The following PDLIM2 variants were observed in gnomAD, a reference collection of about 807,000 sequenced individuals.
PDLIM2 encodes PDZ and LIM domain 2, also known as PDZ and LIM domain protein 2.
In PDLIM2, 51 loss-of-function variants were observed where a neutral mutation model predicts 54.1. That is an observed-to-expected ratio of 0.94 (90% CI 0.75 to 1.19). PDLIM2 has a LOEUF of 1.19. Ranked by LOEUF, PDLIM2 falls within the 50% of genes most tolerant of loss-of-function variation. The pLI is 0.00. For synonymous variants in PDLIM2, 398 were observed against 385.6 expected (o/e 1.03, Z -0.38); for missense variants, 912 against 874.0 (o/e 1.04, Z -0.55).
At chr8:22,589,144 A>C (rs1800459230) in intron 6 of PDLIM2, 154 bp from the exon 6 acceptor site, 2 of 596,300 alleles carry the variant, frequency 3.4e-6, no homozygotes, top group East Asian at 5.6e-5. Context: ...AGCCCCCGAC[A>C]CCTTGGCTCC....
downstream of PDLIM2, chr8:22,596,978 C>G (rs1800696207): frequency 6.6e-6 from 1 of 152,270 alleles, no homozygotes; most frequent in African/African-American, 2.4e-5. Flanking sequence ...CCTCTGTCAT[C>G]AGAGGCAGCC....
chr8:22,584,883 G>T (rs141075881), exon 4 of PDLIM2: 4 of 1,614,114 alleles, frequency 2.5e-6, no homozygotes, highest in Non-Finnish European at 3.4e-6. Flanking sequence ...CTGGCGACTC[G>T]CTTCCAGGTA....
At chr8:22,597,536 A>T (rs1427992867), downstream of PDLIM2, 2 of 152,626 alleles carry the variant, frequency 1.3e-5, no homozygotes, top group African/African-American at 4.8e-5. Flanking sequence ...TTGTGCTGAG[A>T]CACTGCATTC....
intron 6 of PDLIM2, among the ~76,000 whole-genome samples, chr8:22,586,527 G>A (rs1175774909): frequency 6.6e-6 from 1 of 152,104 alleles, no homozygotes; most frequent in Non-Finnish European, 1.5e-5. Context: ...AGGGAAGGAT[G>A]AGCAGGAGGC....
downstream of PDLIM2, chr8:22,594,621 C>A (rs539149335): frequency 4.3e-6 from 7 of 1,613,692 alleles, 1 homozygote; most frequent in South Asian, 7.7e-5. Flanking sequence ...AGGAGGAAGA[C>A]CAGGAGACCC....
At chr8:22,582,443 A>G (rs34366705) in intron 3 of PDLIM2, among the ~76,000 whole-genome samples, 26,236 of 152,038 alleles carry the variant, frequency 0.17, 2,551 homozygotes, top group Middle Eastern at 0.28. Flanking sequence ...AGGGTCTGGC[A>G]GCGGAAGGGC....
intron 1 of PDLIM2, 101 bp from the exon 1 acceptor site, chr8:22,580,374 A>T: frequency 9.1e-7 from 1 of 1,103,802 alleles, no homozygotes; most frequent in Non-Finnish European, 1.2e-6. Flanking sequence ...TGGGCTGAAG[A>T]CTAAGGAAGG....
chr8:22,579,104 C>G, exon 1 of PDLIM2: 1 of 1,272,788 alleles, frequency 7.9e-7, no homozygotes, highest in African/African-American at 1.5e-5. Flanking sequence ...GGAGGCAGGT[C>G]CGGGAGCCCC....
At chr8:22,581,472 G>A in exon 3 of PDLIM2, 2 of 1,606,308 alleles carry the variant, frequency 1.2e-6, no homozygotes. Flanking sequence ...CATGCTGCAT[G>A]CCGAGGCCCA....
chr8:22,580,357 C>T (rs556679297), intron 1 of PDLIM2, 118 bp from the exon 1 acceptor site: 30 of 925,024 alleles, frequency 3.2e-5, no homozygotes, highest in East Asian at 2.7e-4. Context: ...TCCTGGGAGT[C>T]GCTCCCTGGG....
At chr8:22,586,666 A>G (rs1397140016) in intron 6 of PDLIM2, among the ~76,000 whole-genome samples, 3 of 152,140 alleles carry the variant, frequency 2.0e-5, no homozygotes, top group Admixed American at 6.5e-5. Flanking sequence ...AGGGCTGGTC[A>G]GTGTCAGTCC....
intron 2 of PDLIM2, 178 bp from the exon 2 acceptor site, chr8:22,581,201 C>T (rs1258101142): frequency 5.3e-6 from 4 of 760,584 alleles, no homozygotes; most frequent in African/African-American, 3.5e-5. Flanking sequence ...GGGGCTGCCA[C>T]CTGCGCTCCT....
chr8:22,585,291 T>C, intron 5 of PDLIM2, 30 bp from the exon 5 acceptor site: 2 of 1,610,912 alleles, frequency 1.2e-6, no homozygotes, highest in Non-Finnish European at 1.7e-6. Flanking sequence ...GGGGTGGCCC[T>C]GGCACACACT....
chr8:22,581,336 A>G, intron 2 of PDLIM2, 43 bp from the exon 2 acceptor site: 2 of 1,554,152 alleles, frequency 1.3e-6, no homozygotes, highest in South Asian at 2.4e-5. Flanking sequence ...TCCCTTCTCC[A>G]GCTGGGCCAC....
intron 3 of PDLIM2, among the ~76,000 whole-genome samples, chr8:22,581,780 G>A (rs941629450): frequency 1.3e-5 from 2 of 152,262 alleles, no homozygotes; most frequent in Non-Finnish European, 2.9e-5. Flanking sequence ...TGGGCAGGGC[G>A]AGCTGGCACC....
At chr8:22,579,052 G>A in exon 1 of PDLIM2, 1 of 1,248,770 alleles carries the variant, frequency 8.0e-7, no homozygotes. Flanking sequence ...CGGCTTCTCG[G>A]GCTAGGGGCG....
exon 1 of PDLIM2, chr8:22,579,249 C>T (rs1181771127): frequency 5.1e-5 from 69 of 1,357,558 alleles, no homozygotes; most frequent in Non-Finnish European, 3.6e-5. Context: ...CTGCGCCTCT[C>T]CGCGCGGCCC....
chr8:22,581,277 G>A (rs552936014), intron 2 of PDLIM2, 102 bp from the exon 2 acceptor site: 94 of 1,457,782 alleles, frequency 6.4e-5, no homozygotes, highest in Non-Finnish European at 7.4e-5. Context: ...GGTGCAGGCC[G>A]GCCTGGGTCA....
In PDLIM2 at chr8:22,589,675, C is replaced by T. The variant is rs559593212; in HGVS notation, c.1447C>T (p.Arg483Trp). 6.3e-6 allele frequency: 10 copies of T among 1,577,802 alleles called. 1 individual carries two copies. The highest frequency in any genetic ancestry group is 2.3e-5 in the South Asian group (2 of 85,838). Residue 483 changes from arginine to tryptophan, a missense_variant, in exon 8 of 10, where the codon CGG becomes TGG. Coordinates refer to ENST00000308354, the Ensembl canonical transcript of PDLIM2. ...GATGCTGCAGGAAAATCGCGAGGGA[C>T]GGGCGGCCCCCCGACAGTCCAGCTC...
Sources: allele counts gnomAD v4.1 joint callset (sites outside exome capture counted in the v4.1 genomes callset), GRCh38; gene constraint gnomAD v4.1.1; transcripts MANE v1.5; gene names NCBI Gene and HGNC (gene_info 2026-07-23, HGNC 2026-07-21).